Variants in EIF3B observed in about 807,000 individuals in gnomAD.
EIF3B encodes eukaryotic translation initiation factor 3 subunit 9.
EIF3B carries 10 observed loss-of-function variants against 104.6 expected under a neutral mutation model. That is an observed-to-expected ratio of 0.10 (90% CI 0.06 to 0.16). The LOEUF (loss-of-function observed/expected upper bound fraction) is 0.16. Ranked by LOEUF, EIF3B falls within the 10% of genes least tolerant of loss-of-function variation. The pLI is 1.00. For synonymous variants in EIF3B, 542 were observed against 417.2 expected, an observed-to-expected ratio of 1.30 and a Z score of -3.65; for missense variants, 1,014 against 1,087.9, an observed-to-expected ratio of 0.93 and a Z score of 0.96.
chr7:2,364,556 G>A (rs888599140), intron 6 of EIF3B, 27 bp downstream of exon 6: 2 of 1,597,254 alleles, frequency 1.3e-6, no homozygotes, highest in Non-Finnish European at 1.7e-6. Context: ...ACACAGGGGA[G>A]TCTATGCATT....
chr7:2,373,959 G>C (rs970214807), intron 12 of EIF3B: 7 of 152,328 alleles, frequency 4.6e-5, no homozygotes, highest in African/African-American at 1.7e-4. Flanking sequence ...ACCACAGGCT[G>C]AGGGGAGAGA....
intron 9 of EIF3B, 71 bp downstream of exon 9, chr7:2,367,116 A>C: frequency 1.5e-6 from 2 of 1,372,030 alleles, no homozygotes; most frequent in East Asian, 2.3e-5. Flanking sequence ...AAAAAAAAAA[A>C]AAACACAATA....
rs547712437 is a variant in EIF3B at position 2,363,492 on chromosome 7, C to T, written c.871-140C>T. 61 of 748,874 alleles carry T rather than the reference C, an allele frequency of 8.1e-5. No individual in the cohort carries two copies. The South Asian group carries it at 8.7e-4, about 11-fold the overall frequency. The allele number at this position is 748,874 out of a possible 1,614,324, so 46.4% of individuals were successfully genotyped here. A position where few individuals can be genotyped will look rare whatever the true frequency, so the allele number is the denominator to read the frequency against. On this transcript the variant is annotated intron_variant, in intron 4 of 18. Coordinates refer to ENST00000360876, the MANE Select transcript of EIF3B (RefSeq NM_001037283.2). ...TCTCAAAAAAAAAAGAAATGCTAGA[C>T]GGTGTCTTGACTTGAGGTTAGGGTG...
chr7:2,354,710 A>G (rs139185098), upstream of EIF3B, among the ~76,000 whole-genome samples: 265 of 152,222 alleles, frequency 1.7e-3, 1 homozygote, highest in Middle Eastern at 3.4e-3. Flanking sequence ...TATCAGTTTG[A>G]TGATTTTCGG....
intron 2 of EIF3B, 129 bp downstream of exon 2, chr7:2,361,031 C>G: frequency 1.5e-6 from 1 of 656,172 alleles, no homozygotes; most frequent in Non-Finnish European, 2.5e-6. Flanking sequence ...TTCTTCAGGC[C>G]GCCCTCAGCT....
chr7:2,363,577 A>G, intron 4 of EIF3B, 55 bp from the exon 5 acceptor site: 5 of 1,509,200 alleles, frequency 3.3e-6, no homozygotes, highest in Non-Finnish European at 4.5e-6. Context: ...ATAGTTGTGA[A>G]TGAGTTTTTT....
In EIF3B at chr7:2,380,278, G is replaced by A. The variant is rs757881877; in HGVS notation, c.*89G>A. 3.2e-5 allele frequency: 16 copies of A among 505,636 alleles called. No homozygotes were observed. The highest frequency in any genetic ancestry group is 2.3e-4 in the South Asian group (16 of 69,516). The allele number at this position is 505,636 out of a possible 1,614,324, so 31.3% of individuals were successfully genotyped here. On this transcript the variant is annotated 3_prime_UTR_variant, in exon 19 of 19. Transcript: ENST00000360876. ...TGTGAGCCGCGGTTCCTCTGTTGCAGCGCAGCCGTGTGTGCTGTGGAGCCG... is the reference window on the plus strand; with the variant it reads ...TGTGAGCCGCGGTTCCTCTGTTGCAACGCAGCCGTGTGTGCTGTGGAGCCG...
intron 13 of EIF3B, chr7:2,375,121 G>A: frequency 4.0e-6 from 2 of 498,044 alleles, no homozygotes; most frequent in Non-Finnish European, 7.3e-6. Flanking sequence ...GTCCACACTT[G>A]CTACTGTATT....
At chr7:2,367,104 A>AG in intron 9 of EIF3B, 59 bp downstream of exon 9, 7 of 309,290 alleles carry the variant, frequency 2.3e-5, no homozygotes, top group Non-Finnish European at 3.1e-5. Context: ...CACAATACCA[A>AG]AAAAAAAAAA....
chr7:2,371,011 C>G (rs945619958), intron 10 of EIF3B, among the ~76,000 whole-genome samples: 1 of 151,996 alleles, frequency 6.6e-6, no homozygotes, highest in Non-Finnish European at 1.5e-5. Context: ...TGCAGTGAGC[C>G]GAGATTGCAC....
At chr7:2,366,866 T>C in intron 8 of EIF3B, 133 bp from the exon 9 acceptor site, 1 of 973,102 alleles carries the variant, frequency 1.0e-6, no homozygotes, top group Non-Finnish European at 1.6e-6. Context: ...ATGGGTTCAC[T>C]GTCACGCTCT....
At chr7:2,366,484 G>C (rs370757117) in intron 7 of EIF3B, 36 bp downstream of exon 7, 9 of 1,614,098 alleles carry the variant, frequency 5.6e-6, no homozygotes, top group South Asian at 1.1e-5. Flanking sequence ...TGTAGCCTTT[G>C]TCTTTTCATG....
In EIF3B at chr7:2,380,740, G is replaced by GA. The variant is rs1780965734; in HGVS notation, c.*556dup. ...CATGGAAATAAAAGCAAACTTGTAT[G>GA]AAAAACCGGTCTTTCTCCTCTCTTT... On this transcript the variant is annotated 3_prime_UTR_variant, in exon 19 of 19. Transcript: ENST00000360876. 3.2e-5 allele frequency: 6 copies of GA among 188,750 alleles called. No individual in the cohort carries two copies. 11.7% of individuals were successfully genotyped at this position (188,750 alleles called of 1,614,324 possible). A position where few individuals can be genotyped will look rare whatever the true frequency, so the allele number is the denominator to read the frequency against.
chr7:2,376,586 T>C, intron 14 of EIF3B: 1 of 216,910 alleles, frequency 4.6e-6, no homozygotes, highest in Non-Finnish European at 9.2e-6. Context: ...AGTAGTGCTA[T>C]GCAGTTAGCT....
intron 1 of EIF3B, among the ~76,000 whole-genome samples, chr7:2,358,338 C>T (rs750700817): frequency 2.0e-5 from 3 of 152,048 alleles, no homozygotes; most frequent in Non-Finnish European, 2.9e-5. Context: ...CCTTCCTTGG[C>T]TTCCAAAAAT....
At chr7:2,357,552 C>T (rs1779514838) in intron 1 of EIF3B, among the ~76,000 whole-genome samples, 1 of 152,210 alleles carries the variant, frequency 6.6e-6, no homozygotes, top group African/African-American at 2.4e-5. Flanking sequence ...ATTAGCTTCT[C>T]AAACTGTAAT....
At chr7:2,374,277 T>TA (rs1413321071) in intron 12 of EIF3B, 14 of 390,852 alleles carry the variant, frequency 3.6e-5, no homozygotes, top group Non-Finnish European at 5.2e-5. Flanking sequence ...TTTGTCCAGT[T>TA]ACCTCAGGAA....
chr7:2,357,468 G>T (rs1222918606), intron 1 of EIF3B, among the ~76,000 whole-genome samples: 2 of 152,224 alleles, frequency 1.3e-5, no homozygotes, highest in African/African-American at 4.8e-5. Flanking sequence ...CTTTCCAGAA[G>T]GGCCAAGTCT....
intron 8 of EIF3B, 25 bp downstream of exon 8, chr7:2,366,616 C>G: frequency 6.2e-7 from 1 of 1,613,424 alleles, no homozygotes; most frequent in South Asian, 1.1e-5. Flanking sequence ...TGATGGCAAA[C>G]GCCCCGTCCG....
Sources: allele counts gnomAD v4.1 joint callset (sites outside exome capture counted in the v4.1 genomes callset), GRCh38; gene constraint gnomAD v4.1.1; transcripts MANE v1.5; gene names NCBI Gene and HGNC (gene_info 2026-07-23, HGNC 2026-07-21).